The following EIF3H variants were observed in gnomAD, a reference collection of about 807,000 sequenced individuals.
EIF3H encodes the protein eIF-3-gamma.
EIF3H carries 26 observed loss-of-function variants against 44.2 expected under a neutral mutation model. The observed-to-expected ratio is 0.59, with a 90% CI of 0.43 to 0.82. The LOEUF (loss-of-function observed/expected upper bound fraction) is 0.82, where lower values mean the gene tolerates loss of function less well. Among genes scored for constraint, EIF3H ranks in the 40% least tolerant of loss-of-function variants. The pLI is 0.00. For synonymous variants in EIF3H, 166 were observed against 151.9 expected (o/e 1.09, Z -0.68); for missense variants, 359 against 432.8 (o/e 0.83, Z 1.51).
At chr8:116,709,889 C>G (rs1038408096) in intron 2 of EIF3H, among the ~76,000 whole-genome samples, 2 of 152,168 alleles carry the variant, frequency 1.3e-5, no homozygotes, top group African/African-American at 4.8e-5. Context: ...ACTGGTCTGT[C>G]TCAGCCATAG....
At chr8:116,727,818 T>TGTAA (rs1306034046) in intron 1 of EIF3H, among the ~76,000 whole-genome samples, 2 of 152,216 alleles carry the variant, frequency 1.3e-5, no homozygotes, top group East Asian at 3.8e-4. Context: ...TTCTGTGCAC[T>TGTAA]GTAACATCTT....
intron 1 of EIF3H, among the ~76,000 whole-genome samples, chr8:116,762,090 A>C (rs894081265): frequency 3.9e-4 from 60 of 152,354 alleles, no homozygotes; most frequent in African/African-American, 1.3e-3. Flanking sequence ...GGAAACATAT[A>C]AACTAGTATT....
At chr8:116,685,404 C>T (rs935123644) in intron 2 of EIF3H, among the ~76,000 whole-genome samples, 1 of 152,184 alleles carries the variant, frequency 6.6e-6, no homozygotes. Context: ...TGTGTTAACA[C>T]TGAGCCTCAC....
At chr8:116,689,803 G>A (rs1698648264) in intron 2 of EIF3H, among the ~76,000 whole-genome samples, 1 of 152,144 alleles carries the variant, frequency 6.6e-6, no homozygotes, top group Non-Finnish European at 1.5e-5. Context: ...AAACTCAAAT[G>A]TAGTCAGAGG....
At position 116,749,522 on chromosome 8, in the gene EIF3H, G is replaced by A. The variant is rs1317266100; in HGVS notation, c.132+6144C>T. On this transcript the variant is annotated intron_variant, in intron 1 of 7. Transcript: ENST00000521861. ...AACATAAGAAAGGTAAAATTCAAAT[G>A]TTCTAGGGAACAAAGTGGGTTCAAC... 2.0e-5 allele frequency among the ~76,000 whole-genome samples: 3 copies of A among 152,188 alleles called. No homozygotes were observed. The East Asian group carries it at 5.8e-4, about 29-fold the overall frequency.
chr8:116,661,635 A>G (rs1813588150), intron 2 of EIF3H, among the ~76,000 whole-genome samples: 1 of 152,236 alleles, frequency 6.6e-6, no homozygotes, highest in African/African-American at 2.4e-5. Flanking sequence ...GGCCTCCAGC[A>G]TGCATTATGA....
chr8:116,747,044 G>A (rs1467204850), intron 1 of EIF3H, among the ~76,000 whole-genome samples: 1 of 151,836 alleles, frequency 6.6e-6, no homozygotes, highest in Non-Finnish European at 1.5e-5. Flanking sequence ...GTCCTGTCTG[G>A]TTCAATAACA....
chr8:116,718,026 G>A (rs1012634589), intron 2 of EIF3H, among the ~76,000 whole-genome samples: 5 of 151,902 alleles, frequency 3.3e-5, no homozygotes, highest in Admixed American at 6.6e-5. Flanking sequence ...AATCTACAAC[G>A]AACTCAAACA....
intron 2 of EIF3H, among the ~76,000 whole-genome samples, chr8:116,676,227 T>C (rs377044782): frequency 1.5e-4 from 23 of 152,220 alleles, no homozygotes; most frequent in African/African-American, 5.3e-4. Context: ...TATTTACTAA[T>C]ACTAATGAGA....
intron 1 of EIF3H, among the ~76,000 whole-genome samples, chr8:116,740,693 A>C (rs1815114834): frequency 6.6e-6 from 1 of 152,116 alleles, no homozygotes; most frequent in South Asian, 2.1e-4. Context: ...GAGTAAAAGA[A>C]AAAAATTTTA....
chr8:116,689,434 A>G (rs1814135117), intron 2 of EIF3H, among the ~76,000 whole-genome samples: 1 of 152,208 alleles, frequency 6.6e-6, no homozygotes, highest in Admixed American at 6.5e-5. Context: ...TAAAACTGTC[A>G]AAAAATAATG....
At chr8:116,762,420 T>C (rs938159878) in intron 1 of EIF3H, among the ~76,000 whole-genome samples, 29 of 152,200 alleles carry the variant, frequency 1.9e-4, no homozygotes, top group African/African-American at 6.8e-4. Flanking sequence ...ATGACCTCCA[T>C]TCTCAAAATT....
At chr8:116,658,656 C>T (rs1453848525) in intron 3 of EIF3H, 157 bp downstream of exon 3, 1 of 611,640 alleles carries the variant, frequency 1.6e-6, no homozygotes, top group Non-Finnish European at 2.6e-6. Flanking sequence ...AGAAGGAAAC[C>T]CTGTCTAGAC....
chr8:116,740,212 G>A (rs1815107486), intron 1 of EIF3H, among the ~76,000 whole-genome samples: 2 of 152,294 alleles, frequency 1.3e-5, no homozygotes, highest in Middle Eastern at 3.4e-3. Context: ...TGAGCATTTA[G>A]ACTACAGAAG....
intron 5 of EIF3H, among the ~76,000 whole-genome samples, chr8:116,650,016 C>T (rs1025727637): frequency 3.9e-5 from 6 of 152,184 alleles, no homozygotes; most frequent in Non-Finnish European, 5.9e-5. Flanking sequence ...TTAGGTCAGG[C>T]AGACCAGACA....
At position 116,726,191 on chromosome 8, in the gene EIF3H, G is replaced by C. The variant is rs1332911934; in HGVS notation, c.133-19C>G. ...ATACCACCTAAAACATACACACACA[G>C]AAGGGAGCTTAACAACCATCCTAGT... On this transcript the variant is annotated intron_variant, in intron 1 of 7. Coordinates refer to ENST00000521861, the MANE Select transcript of EIF3H (RefSeq NM_003756.3). The C allele has an allele frequency of 6.3e-7, 1 of 1,597,338 alleles. No homozygotes were observed. Among genetic ancestry groups the C allele is most frequent in the Non-Finnish European group, 8.5e-7 (1 of 1,170,796 alleles).
At chr8:116,672,954 T>A (rs185005730) in intron 2 of EIF3H, among the ~76,000 whole-genome samples, 1 of 151,648 alleles carries the variant, frequency 6.6e-6, no homozygotes, top group African/African-American at 2.4e-5. Flanking sequence ...TGAGTCCAAG[T>A]TTTAAAAAGT....
chr8:116,701,251 T>C (rs1173475700), intron 2 of EIF3H, among the ~76,000 whole-genome samples: 1 of 152,186 alleles, frequency 6.6e-6, no homozygotes, highest in Non-Finnish European at 1.5e-5. Context: ...ATTGGGCATG[T>C]ATTATATTCC....
intron 2 of EIF3H, among the ~76,000 whole-genome samples, chr8:116,659,925 T>C (rs1481684918): frequency 6.6e-6 from 1 of 152,150 alleles, no homozygotes; most frequent in African/African-American, 2.4e-5. Flanking sequence ...TCACTCCCAT[T>C]GCCCAGGCTG....
Sources: allele counts gnomAD v4.1 joint callset (sites outside exome capture counted in the v4.1 genomes callset), GRCh38; gene constraint gnomAD v4.1.1; transcripts MANE v1.5; gene names NCBI Gene and HGNC (gene_info 2026-07-23, HGNC 2026-07-21).